Variants in COL17A1 observed in about 807,000 individuals in gnomAD.
COL17A1 encodes collagen type XVII alpha 1 chain, also known as collagen alpha-1(XVII) chain.
In COL17A1, 181 loss-of-function variants were observed where a neutral mutation model predicts 218.4. That is an observed-to-expected ratio of 0.83 (90% CI 0.73 to 0.94). The LOEUF is 0.94. COL17A1 is among the 40% of genes least tolerant of loss of function. The pLI is 0.00. For synonymous variants in COL17A1, 721 were observed against 731.0 expected, an observed-to-expected ratio of 0.99 and a Z score of 0.22; for missense variants, 1,924 against 1,945.9, an observed-to-expected ratio of 0.99 and a Z score of 0.21.
chr10:104,037,925 G>T, intron 45 of COL17A1, 152 bp from the exon 46 acceptor site: 1 of 837,078 alleles, frequency 1.2e-6, no homozygotes, highest in Non-Finnish European at 1.7e-6. Context: ...TCCCCTCACT[G>T]TCCTTCCCCT....
intron 40 of COL17A1, 93 bp downstream of exon 40, chr10:104,040,258 A>T: frequency 9.8e-7 from 1 of 1,022,052 alleles, no homozygotes; most frequent in African/African-American, 1.6e-5. Context: ...AAAATGCCCC[A>T]GCTCATTCAG....
chr10:104,076,434 A>C lies in COL17A1; in HGVS notation c.203-5T>G, dbSNP rs2086711572. 1 of 1,613,812 alleles carries C rather than the reference A, an allele frequency of 6.2e-7. No homozygotes were observed. The highest frequency in any genetic ancestry group is 1.7e-5 in the Admixed American group (1 of 60,008). ...CATGGCCTCGTGTGCTTCCAGCTGC[A>C]AGAGGGAAAAAGCATAAGTTCTCAG... On this transcript the variant is annotated splice_region_variant and splice_polypyrimidine_tract_variant and intron_variant, in intron 4 of 55. Transcript: ENST00000648076.
Position 104,038,524 on chromosome 10 carries a change from TC to T in COL17A1, c.2951del (p.Gly984AspfsTer82). On this transcript the variant is annotated frameshift_variant, in exon 45 of 56. Coordinates refer to ENST00000648076, the MANE Select transcript of COL17A1 (RefSeq NM_000494.4). LOFTEE classifies it high-confidence loss of function. The stretch of plus-strand genomic sequence containing the variant: ...CTGACACGTACATGGTACTTGATGA[TC>T]CCCCTGCAGCAAAGAGAAAGCGTCC... Reference protein sequence around the residue: ...LGIPSGPSEGGSSSTMYVSGP... With the variant: ...LGIPSGPSEGXSSSTMYVSGP... 6.2e-7 allele frequency: 1 copy of T among 1,611,878 alleles called. No individual in the cohort carries two copies.
Position 104,045,623 on chromosome 10 carries a change from T to G in COL17A1, c.2398+135A>C, listed in dbSNP as rs540965692. The G allele has an allele frequency of 1.8e-4, 145 of 812,176 alleles. 1 individual carries two copies. The African/African-American group carries it at 2.2e-3, about 12-fold the overall frequency. The allele number at this position is 812,176 out of a possible 1,614,324, so 50.3% of individuals were successfully genotyped here. A position where few individuals can be genotyped will look rare whatever the true frequency, so the allele number is the denominator to read the frequency against. Reference sequence around the variant, plus strand: ...ACAAATCCCTGGGCTCCCAGCCTCATAGCCCTCTGCTAGAACCACTAGATG... The same window carrying G: ...ACAAATCCCTGGGCTCCCAGCCTCAGAGCCCTCTGCTAGAACCACTAGATG... On this transcript the variant is annotated intron_variant, in intron 33 of 55. Transcript: ENST00000648076.
chr10:104,061,645 A>G (rs1009373676), intron 12 of COL17A1, among the ~76,000 whole-genome samples, 172 bp from the exon 13 acceptor site: 3 of 152,124 alleles, frequency 2.0e-5, no homozygotes, highest in East Asian at 3.9e-4. Context: ...GAACGTTCTT[A>G]GGTATAATCC....
intron 25 of COL17A1, 126 bp from the exon 26 acceptor site, chr10:104,051,027 G>T: frequency 1.3e-6 from 2 of 1,520,292 alleles, no homozygotes; most frequent in Non-Finnish European, 8.9e-7. Context: ...AAAGTCAAAG[G>T]ATGCTTTCCA....
At position 104,044,718 on chromosome 10, in the gene COL17A1, G is replaced by A. The variant is rs537351306; in HGVS notation, c.2399-858C>T. Among the ~76,000 whole-genome samples, 14 of 152,210 alleles carry A rather than the reference G, an allele frequency of 9.2e-5. No homozygotes were observed. The South Asian group carries it at 2.9e-3, about 32-fold the overall frequency. On this transcript the variant is annotated intron_variant, in intron 33 of 55. Transcript: ENST00000648076. ...CGTTCGGTAAAATGGCCCCTCTTGT[G>A]CATGTTGTCCAGGCAGGGTCTGAAC...
chr10:104,037,949 A>G (rs571510438), intron 45 of COL17A1, among the ~76,000 whole-genome samples, 176 bp from the exon 46 acceptor site: 1 of 152,172 alleles, frequency 6.6e-6, no homozygotes, highest in East Asian at 1.9e-4. Flanking sequence ...TTACAGATGG[A>G]GAAACTGAGG....
intron 9 of COL17A1, among the ~76,000 whole-genome samples, chr10:104,066,035 A>G (rs918236886): frequency 5.9e-5 from 9 of 152,150 alleles, no homozygotes; most frequent in Admixed American, 3.9e-4. Context: ...AGGTCCCCCC[A>G]CTTAGTTTCC....
At chr10:104,041,634 T>A in intron 36 of COL17A1, 96 bp from the exon 37 acceptor site, 1 of 1,050,942 alleles carries the variant, frequency 9.5e-7, no homozygotes, top group Non-Finnish European at 1.4e-6. Flanking sequence ...TTCCAGGCAC[T>A]CCAGGCTACC....
Position 104,056,106 on chromosome 10 carries a change from G to T in COL17A1, c.1466-103C>A, listed in dbSNP as rs1036115731. ...CTGACACAAGGGATTGGGGCCTGTG[G>T]TGGCTTCTTCATGCTAGAATACTCA... is the stretch of plus-strand genomic sequence containing the variant. On this transcript the variant is annotated intron_variant, in intron 17 of 55. Transcript: ENST00000648076. 4.3e-6 allele frequency: 6 copies of T among 1,392,198 alleles called. No individual in the cohort carries two copies. The African/African-American group carries it at 8.5e-5, about 20-fold the overall frequency. The allele number at this position is 1,392,198 out of a possible 1,614,324, so 86.2% of individuals were successfully genotyped here.
chr10:104,070,969 T>C (rs576603708), intron 8 of COL17A1, among the ~76,000 whole-genome samples: 1 of 152,348 alleles, frequency 6.6e-6, no homozygotes, highest in African/African-American at 2.4e-5. Context: ...CATCTGATAT[T>C]GGGTCCTTGA....
chr10:104,068,462 A>G (rs995137119), intron 9 of COL17A1, among the ~76,000 whole-genome samples: 1 of 152,236 alleles, frequency 6.6e-6, no homozygotes, highest in Non-Finnish European at 1.5e-5. Flanking sequence ...AATAATCCTT[A>G]TGTGAAAAAG....
chr10:104,084,496 T>G (rs1053825990), intron 1 of COL17A1, among the ~76,000 whole-genome samples: 4 of 152,084 alleles, frequency 2.6e-5, no homozygotes, highest in African/African-American at 9.7e-5. Flanking sequence ...TTTTGTATTT[T>G]TAGTAGAGAT....
intron 23 of COL17A1, 53 bp downstream of exon 23, chr10:104,052,978 G>C: frequency 6.3e-7 from 1 of 1,594,984 alleles, no homozygotes; most frequent in Non-Finnish European, 8.6e-7. Context: ...TGTTGACAGA[G>C]AGAAGGAAGC....
intron 17 of COL17A1, among the ~76,000 whole-genome samples, chr10:104,056,670 C>A (rs937084844): frequency 6.6e-6 from 1 of 152,154 alleles, no homozygotes; most frequent in African/African-American, 2.4e-5. Context: ...CTAAGAAAGT[C>A]CTGACCTTGT....
intron 33 of COL17A1, among the ~76,000 whole-genome samples, chr10:104,044,475 C>A (rs561629359): frequency 6.6e-6 from 1 of 152,308 alleles, no homozygotes; most frequent in South Asian, 2.1e-4. Flanking sequence ...TGAGAACTGA[C>A]AATCCACGGA....
At chr10:104,054,728 A>G (rs1331293938) in intron 20 of COL17A1, among the ~76,000 whole-genome samples, 1 of 152,102 alleles carries the variant, frequency 6.6e-6, no homozygotes, top group Non-Finnish European at 1.5e-5. Flanking sequence ...GGCTCGGGAA[A>G]TGTGGCCCAA....
At chr10:104,042,660 G>A (rs924678035) in intron 35 of COL17A1, among the ~76,000 whole-genome samples, 1 of 152,188 alleles carries the variant, frequency 6.6e-6, no homozygotes, top group Non-Finnish European at 1.5e-5. Flanking sequence ...CGGGGCAGGC[G>A]GGACTGCCCC....
Sources: allele counts gnomAD v4.1 joint callset (sites outside exome capture counted in the v4.1 genomes callset), GRCh38; gene constraint gnomAD v4.1.1; transcripts MANE v1.5; gene names NCBI Gene and HGNC (gene_info 2026-07-23, HGNC 2026-07-21).